The following LRP1B variants were observed in gnomAD, a reference collection of about 807,000 sequenced individuals.
LRP1B encodes the protein LDL receptor related protein 1B, also known as low-density lipoprotein receptor-related protein 1B.
LRP1B carries 217 observed loss-of-function variants against 556.6 expected under a neutral mutation model. The observed-to-expected ratio is 0.39, with a 90% CI of 0.35 to 0.44. The LOEUF (loss-of-function observed/expected upper bound fraction) is 0.44. LRP1B is among the 20% of genes least tolerant of loss of function. The pLI, the probability that LRP1B is intolerant of heterozygous loss-of-function variation, is 1.00. For synonymous variants in LRP1B, 2,047 were observed against 1,865.8 expected (o/e 1.10, Z -2.50); for missense variants, 5,053 against 5,620.8 (o/e 0.90, Z 3.23).
intron 35 of LRP1B, among the ~76,000 whole-genome samples, chr2:140,721,005 C>T (rs1471679693): frequency 5.3e-5 from 8 of 151,946 alleles, no homozygotes; most frequent in Admixed American, 5.3e-4. Context: ...GCTTTTTCTT[C>T]ATCCCCCATT....
In LRP1B at chr2:140,367,446, C is replaced by T. The variant is rs897164819; in HGVS notation, c.11009-2663G>A. ...CAAAGGCAAGAGCTGGGTGAATCCA[C>T]CAAAGTGAATATCACCATGTGAGAC... On this transcript the variant is annotated intron_variant, in intron 71 of 90. Coordinates refer to ENST00000389484, the MANE Select transcript of LRP1B (RefSeq NM_018557.3). Among the ~76,000 whole-genome samples, 10 of 151,770 alleles carry T rather than the reference C, an allele frequency of 6.6e-5. No homozygotes were observed. The East Asian group carries it at 1.8e-3, about 27-fold the overall frequency.
intron 32 of LRP1B, among the ~76,000 whole-genome samples, chr2:140,802,668 T>C (rs1690557105): frequency 6.6e-6 from 1 of 152,228 alleles, no homozygotes; most frequent in African/African-American, 2.4e-5. Flanking sequence ...TCAGATATAG[T>C]ATGCCCAAAG....
chr2:140,935,130 A>G (rs946381243), intron 20 of LRP1B, among the ~76,000 whole-genome samples: 1 of 152,138 alleles, frequency 6.6e-6, no homozygotes, highest in African/African-American at 2.4e-5. Context: ...TGCAAAGAAG[A>G]GTATATTATT....
chr2:141,481,815 T>C (rs751859396), intron 2 of LRP1B, among the ~76,000 whole-genome samples: 2 of 152,070 alleles, frequency 1.3e-5, no homozygotes, highest in Non-Finnish European at 2.9e-5. Context: ...TTTCACAGGG[T>C]TGTGGTGAGG....
Position 141,019,811 on chromosome 2 carries a change from G to A in LRP1B, c.1970+111C>T, listed in dbSNP as rs542283441. ...AACTTTACCCACTAAGACCATTTGT[G>A]TGGAAAATCAGCTATACATATGGAT... On this transcript the variant is annotated intron_variant, in intron 12 of 90. Coordinates refer to ENST00000389484, the MANE Select transcript of LRP1B (RefSeq NM_018557.3). The A allele has an allele frequency of 1.6e-5, 12 of 754,260 alleles. 1 individual carries two copies. In the South Asian group the frequency reaches 2.4e-4, roughly 15 times the overall value. 46.7% of individuals were successfully genotyped at this position (754,260 alleles called of 1,614,324 possible).
intron 11 of LRP1B, among the ~76,000 whole-genome samples, chr2:141,039,867 A>C (rs1369258622): frequency 2.0e-5 from 3 of 152,104 alleles, no homozygotes; most frequent in Non-Finnish European, 4.4e-5. Flanking sequence ...TTACTTTTCA[A>C]ACATCTCATC....
At chr2:141,233,634 A>G (rs1386740067) in intron 5 of LRP1B, among the ~76,000 whole-genome samples, 2 of 152,156 alleles carry the variant, frequency 1.3e-5, no homozygotes, top group Non-Finnish European at 2.9e-5. Context: ...TCAAAAATAT[A>G]CTAAAAGTGG....
Position 141,744,709 on chromosome 2 carries a change from G to A in LRP1B, c.205+65570C>T, listed in dbSNP as rs542676049. 1.2e-4 allele frequency among the ~76,000 whole-genome samples: 18 copies of A among 152,256 alleles called. No homozygotes were observed. The East Asian group carries it at 2.3e-3, about 20-fold the overall frequency. On this transcript the variant is annotated intron_variant, in intron 2 of 90. Coordinates refer to ENST00000389484, the MANE Select transcript of LRP1B (RefSeq NM_018557.3). ...TGGACTCTAGTGCCTTATTTAGTTC[G>A]TTTGGTGAGGTCATGTTTTCCTGGA...
intron 1 of LRP1B, among the ~76,000 whole-genome samples, chr2:142,010,126 T>TATATTTG (rs1446451910): frequency 6.6e-6 from 1 of 152,144 alleles, no homozygotes; most frequent in East Asian, 1.9e-4. Context: ...CAAAGATATC[T>TATATTTG]ATATTTGTCA....
At chr2:140,630,242 G>C (rs747865402) in intron 41 of LRP1B, among the ~76,000 whole-genome samples, 5 of 152,150 alleles carry the variant, frequency 3.3e-5, no homozygotes, top group Non-Finnish European at 4.4e-5. Context: ...TCTGGTGCAT[G>C]ATAAATGTTG....
At chr2:140,444,084 G>A (rs1686547096) in intron 65 of LRP1B, among the ~76,000 whole-genome samples, 1 of 152,124 alleles carries the variant, frequency 6.6e-6, no homozygotes, top group African/African-American at 2.4e-5. Context: ...TGATGTGGAT[G>A]AATGAATGTT....
chr2:140,685,054 T>C (rs997739304), intron 41 of LRP1B, among the ~76,000 whole-genome samples: 1 of 152,182 alleles, frequency 6.6e-6, no homozygotes. Context: ...CATGTATCAG[T>C]CATGTGCAAA....
At chr2:140,310,329 C>G (rs568319901) in intron 83 of LRP1B, among the ~76,000 whole-genome samples, 2 of 150,092 alleles carry the variant, frequency 1.3e-5, no homozygotes, top group Non-Finnish European at 3.0e-5. Context: ...CTAACACAAT[C>G]TACAGATTCA....
intron 32 of LRP1B, among the ~76,000 whole-genome samples, chr2:140,787,762 T>A (rs527540243): frequency 4.6e-5 from 7 of 151,612 alleles, no homozygotes; most frequent in African/African-American, 1.7e-4. Flanking sequence ...TTCTGTGGGG[T>A]CAGGGTCTCA....
chr2:140,469,271 GAAACTCA>G (rs1250209172), intron 60 of LRP1B, among the ~76,000 whole-genome samples: 1 of 152,084 alleles, frequency 6.6e-6, no homozygotes, highest in Non-Finnish European at 1.5e-5. Flanking sequence ...CCTTATAAAA[GAAACTCA>G]AAGGAGCTCA....
chr2:141,486,395 A>G (rs1239491120), intron 2 of LRP1B, among the ~76,000 whole-genome samples: 2 of 152,172 alleles, frequency 1.3e-5, no homozygotes, highest in Non-Finnish European at 2.9e-5. Flanking sequence ...TAGAGTAAAT[A>G]TTTTACTGTG....
intron 3 of LRP1B, among the ~76,000 whole-genome samples, chr2:141,357,049 A>T (rs555520207): frequency 1.2e-4 from 18 of 151,340 alleles, no homozygotes; most frequent in Admixed American, 3.9e-4. Flanking sequence ...TTTTATTTTT[A>T]TTTTATTTTA....
rs368292156 is a variant in LRP1B at position 141,896,543 on chromosome 2, C to T, written c.83-86142G>A. ...ACATTTCAAATTATTATTGATAAAG[C>T]ACATTTTGAAATTCTTTTCCTTCAT... is the stretch of plus-strand genomic sequence containing the variant. On this transcript the variant is annotated intron_variant, in intron 1 of 90. Coordinates refer to ENST00000389484, the MANE Select transcript of LRP1B (RefSeq NM_018557.3). Among the ~76,000 whole-genome samples the T allele has an allele frequency of 2.7e-4, 41 of 152,144 alleles. No homozygotes were observed. In the East Asian group the frequency reaches 7.2e-3, roughly 27 times the overall value.
intron 2 of LRP1B, among the ~76,000 whole-genome samples, chr2:141,764,573 CACA>C (rs1297867186): frequency 6.6e-6 from 1 of 152,142 alleles, no homozygotes; most frequent in Admixed American, 6.5e-5. Context: ...ACAGCAAGAA[CACA>C]GCCCTCTACA....
Sources: allele counts gnomAD v4.1 joint callset (sites outside exome capture counted in the v4.1 genomes callset), GRCh38; gene constraint gnomAD v4.1.1; transcripts MANE v1.5; gene names NCBI Gene and HGNC (gene_info 2026-07-23, HGNC 2026-07-21).